Variants in AUTS2 observed in about 807,000 individuals in gnomAD.
The protein encoded by AUTS2 is activator of transcription and developmental regulator AUTS2.
AUTS2 carries 17 observed loss-of-function variants against 112.4 expected under a neutral mutation model. The ratio of observed to expected loss-of-function variants is 0.15; its 90% CI spans 0.10 to 0.23. The LOEUF (loss-of-function observed/expected upper bound fraction) is 0.23. Among genes scored for constraint, AUTS2 ranks in the 10% least tolerant of loss-of-function variants. AUTS2 has a pLI of 1.00. For synonymous variants in AUTS2, 751 were observed against 702.7 expected (o/e 1.07, Z -1.09); for missense variants, 1,510 against 1,701.6 (o/e 0.89, Z 1.98).
rs564020509 is a variant in AUTS2 at position 70,219,247 on chromosome 7, G to A, written c.660+84676G>A. Among the ~76,000 whole-genome samples the A allele has an allele frequency of 1.6e-4, 24 of 152,286 alleles. No individual in the cohort carries two copies. In the South Asian group the frequency reaches 3.7e-3, roughly 24 times the overall value. Reference sequence around the variant, plus strand: ...GATACATTTTTATTTAAGACACAATGAGCATCAAGCACATTTATGACAAGG... The same window carrying A: ...GATACATTTTTATTTAAGACACAATAAGCATCAAGCACATTTATGACAAGG... On this transcript the variant is annotated intron_variant, in intron 4 of 18. Coordinates refer to ENST00000342771, the MANE Select transcript of AUTS2 (RefSeq NM_015570.4).
intron 1 of AUTS2, among the ~76,000 whole-genome samples, chr7:69,891,774 C>CTT (rs763424098): frequency 0.015 from 393 of 26,708 alleles, 178 homozygotes; most frequent in Non-Finnish European, 0.017. Flanking sequence ...AGACAGATAT[C>CTT]TTTTTTTTTT....
chr7:70,780,876 G>C (rs1209843456), intron 14 of AUTS2, among the ~76,000 whole-genome samples: 1 of 152,162 alleles, frequency 6.6e-6, no homozygotes, highest in African/African-American at 2.4e-5. Flanking sequence ...GTATGGCAAA[G>C]AGTCATTAAA....
In AUTS2 at chr7:70,735,547, G is replaced by A. The variant is rs1009649540; in HGVS notation, c.743-27323G>A. The stretch of plus-strand genomic sequence containing the variant: ...AGGACCGCGAGGAGAGTTTTCTTCC[G>A]AATCAAGTGAATGCGGGTGCATCAC... On this transcript the variant is annotated intron_variant, in intron 6 of 18. Transcript: ENST00000342771. Among the ~76,000 whole-genome samples the A allele has an allele frequency of 4.6e-5, 7 of 152,066 alleles. No homozygotes were observed. The East Asian group carries it at 1.2e-3, about 25-fold the overall frequency.
At chr7:70,256,006 C>A (rs998656024) in intron 4 of AUTS2, among the ~76,000 whole-genome samples, 1 of 152,148 alleles carries the variant, frequency 6.6e-6, no homozygotes, top group African/African-American at 2.4e-5. Flanking sequence ...GAAATCTTAT[C>A]TTTCCCTGAA....
At chr7:70,049,327 T>A (rs914119356) in intron 2 of AUTS2, among the ~76,000 whole-genome samples, 2 of 152,042 alleles carry the variant, frequency 1.3e-5, no homozygotes, top group African/African-American at 4.8e-5. Context: ...TAGCAAATCA[T>A]CTCTTGGACA....
intron 4 of AUTS2, among the ~76,000 whole-genome samples, chr7:70,410,331 G>A (rs1161452901): frequency 6.6e-6 from 1 of 152,112 alleles, no homozygotes; most frequent in Non-Finnish European, 1.5e-5. Flanking sequence ...ACAGTCATAA[G>A]TTGAACTTCA....
Position 70,186,785 on chromosome 7 carries a change from T to A in AUTS2, c.660+52214T>A, listed in dbSNP as rs113099831. On this transcript the variant is annotated intron_variant, in intron 4 of 18. Transcript: ENST00000342771. The stretch of plus-strand genomic sequence containing the variant: ...AGGTTTCACCTGTTGGCCAGGCTGG[T>A]CCTGAACTCCTGACCTCAGGTGATC... 1.6e-3 allele frequency among the ~76,000 whole-genome samples: 242 copies of A among 152,296 alleles called. 6 individuals carry two copies. Among genetic ancestry groups the A allele is most frequent in the African/African-American group, 5.5e-3 (228 of 41,558 alleles).
chr7:70,058,776 TATCTG>T (rs1003482029), intron 2 of AUTS2, among the ~76,000 whole-genome samples: 1 of 152,178 alleles, frequency 6.6e-6, no homozygotes, highest in Non-Finnish European at 1.5e-5. Flanking sequence ...ATTAGAGACT[TATCTG>T]AATGAAATCA....
chr7:70,551,436 T>A (rs1801011171), intron 5 of AUTS2, among the ~76,000 whole-genome samples: 1 of 152,138 alleles, frequency 6.6e-6, no homozygotes, highest in Non-Finnish European at 1.5e-5. Flanking sequence ...AACAATGGCA[T>A]TTCACCTCTG....
At chr7:70,224,256 A>G (rs974232639) in intron 4 of AUTS2, among the ~76,000 whole-genome samples, 1 of 152,114 alleles carries the variant, frequency 6.6e-6, no homozygotes, top group African/African-American at 2.4e-5. Flanking sequence ...TAGAGGCTGC[A>G]GTGAACTGAG....
At chr7:70,175,843 A>G (rs887716142) in intron 4 of AUTS2, among the ~76,000 whole-genome samples, 5 of 152,210 alleles carry the variant, frequency 3.3e-5, no homozygotes, top group Admixed American at 2.6e-4. Context: ...TTTTAGACAT[A>G]ATGCTATCAA....
intron 2 of AUTS2, among the ~76,000 whole-genome samples, chr7:69,955,490 A>C (rs1273674498): frequency 6.6e-6 from 1 of 152,168 alleles, no homozygotes; most frequent in Non-Finnish European, 1.5e-5. Flanking sequence ...GAGCCAGCAA[A>C]TGAGACATGG....
intron 5 of AUTS2, among the ~76,000 whole-genome samples, chr7:70,450,706 G>A (rs73175955): frequency 0.13 from 20,540 of 152,162 alleles, 1,409 homozygotes; most frequent in Middle Eastern, 0.17. Context: ...GAGGATTCAG[G>A]CAGTGGCATG....
intron 5 of AUTS2, among the ~76,000 whole-genome samples, chr7:70,640,984 C>A (rs1224521929): frequency 2.0e-5 from 3 of 152,186 alleles, no homozygotes; most frequent in East Asian, 1.9e-4. Flanking sequence ...TCTCACCTCC[C>A]AGGCCTGCCA....
At chr7:69,974,721 A>AGAG (rs2129548416) in intron 2 of AUTS2, among the ~76,000 whole-genome samples, 1 of 152,292 alleles carries the variant, frequency 6.6e-6, no homozygotes, top group East Asian at 1.9e-4. Flanking sequence ...CTTCTTTAAT[A>AGAG]AGTCTACCAA....
chr7:70,016,754 A>G (rs1800048650), intron 2 of AUTS2, among the ~76,000 whole-genome samples: 1 of 145,988 alleles, frequency 6.8e-6, no homozygotes, highest in Non-Finnish European at 1.5e-5. Flanking sequence ...TGCAACCTCC[A>G]CCTCCCCAGC....
At chr7:70,181,191 A>G (rs568087166) in intron 4 of AUTS2, among the ~76,000 whole-genome samples, 7 of 152,194 alleles carry the variant, frequency 4.6e-5, no homozygotes, top group Non-Finnish European at 7.3e-5. Flanking sequence ...CATTTATTCT[A>G]TTTATGAGCA....
At chr7:70,398,292 T>A (rs1794174242) in intron 4 of AUTS2, among the ~76,000 whole-genome samples, 1 of 152,242 alleles carries the variant, frequency 6.6e-6, no homozygotes, top group Admixed American at 6.5e-5. Flanking sequence ...TCCATATGAA[T>A]TTTAGAATCA....
chr7:69,642,665 T>C (rs1794846289), intron 1 of AUTS2, among the ~76,000 whole-genome samples: 1 of 152,216 alleles, frequency 6.6e-6, no homozygotes. Context: ...CTAACAGATC[T>C]GTGATTAGAC....
Sources: allele counts gnomAD v4.1 joint callset (sites outside exome capture counted in the v4.1 genomes callset), GRCh38; gene constraint gnomAD v4.1.1; transcripts MANE v1.5; gene names NCBI Gene and HGNC (gene_info 2026-07-23, HGNC 2026-07-21).